TASP1: variants seen among roughly 807,000 people sequenced by gnomAD.
The protein encoded by TASP1 is threonine aspartase 1.
A neutral mutation model predicts 56.6 loss-of-function variants in TASP1; 16 were observed. That is an observed-to-expected ratio of 0.28 (90% confidence interval 0.19 to 0.43). The LOEUF (loss-of-function observed/expected upper bound fraction) is 0.43. Ranked by LOEUF, TASP1 falls within the 20% of genes least tolerant of loss-of-function variation. The probability of loss-of-function intolerance (pLI) is 1.00; values close to 1 mark genes in which losing one functional copy is unlikely to be tolerated. For missense variants in TASP1, 393 were observed against 511.6 expected (o/e 0.77, Z 2.24); for synonymous variants, 179 against 184.2 (o/e 0.97, Z 0.23).
chr20:13,634,853 A>T (rs1225189853), intron 1 of TASP1, among the ~76,000 whole-genome samples: 6 of 151,446 alleles, frequency 4.0e-5, no homozygotes, highest in African/African-American at 1.5e-4. Flanking sequence ...ACAAGGAGAA[A>T]CCCCGTCTCT....
At chr20:13,363,389 C>T in the TASP1 span, among the ~76,000 whole-genome samples, 1 of 152,136 alleles carries the variant, frequency 6.6e-6, no homozygotes, top group Non-Finnish European at 1.5e-5. Context: ...GTGGTGCACC[C>T]TAACTCCACA....
the TASP1 span, chr20:13,154,027 C>A: frequency 2.5e-6 from 4 of 1,613,870 alleles, no homozygotes; most frequent in African/African-American, 2.7e-5. Context: ...CAGCAACTTG[C>A]GAAAAACACA....
At chr20:13,179,268 C>T in the TASP1 span, among the ~76,000 whole-genome samples, 4 of 151,652 alleles carry the variant, frequency 2.6e-5, no homozygotes, top group Non-Finnish European at 5.9e-5. Flanking sequence ...AAGGTAAATA[C>T]CTGTAAAAAT....
chr20:13,464,597 C>T (rs539654204), intron 11 of TASP1, among the ~76,000 whole-genome samples: 15 of 152,234 alleles, frequency 9.9e-5, no homozygotes, highest in African/African-American at 2.9e-4. Flanking sequence ...CTGACACATG[C>T]TACAACTTGG....
the TASP1 span, among the ~76,000 whole-genome samples, chr20:13,220,255 G>A: frequency 4.6e-5 from 7 of 152,216 alleles, no homozygotes; most frequent in Non-Finnish European, 8.8e-5. Flanking sequence ...TAAGGCGGGA[G>A]CCCGAGCAAG....
At chr20:13,321,940 G>A in the TASP1 span, among the ~76,000 whole-genome samples, 3 of 152,210 alleles carry the variant, frequency 2.0e-5, no homozygotes, top group Non-Finnish European at 2.9e-5. Context: ...CCATGCCTTC[G>A]TTTCTTCATT....
the TASP1 span, among the ~76,000 whole-genome samples, chr20:13,134,915 G>A: frequency 6.6e-6 from 1 of 152,148 alleles, no homozygotes; most frequent in Non-Finnish European, 1.5e-5. Context: ...CTAGCACCTT[G>A]CCTGTCCTTC....
At chr20:13,619,120 G>A (rs1012798852) in intron 4 of TASP1, among the ~76,000 whole-genome samples, 8 of 152,092 alleles carry the variant, frequency 5.3e-5, no homozygotes, top group Admixed American at 2.6e-4. Context: ...TGATCCATCC[G>A]CTTCGGCCTC....
chr20:13,199,200 G>A, the TASP1 span, among the ~76,000 whole-genome samples: 1 of 151,798 alleles, frequency 6.6e-6, no homozygotes, highest in Non-Finnish European at 1.5e-5. Flanking sequence ...ACCACATTTG[G>A]CCCTCTTGTT....
chr20:13,394,419 G>A (rs1418316715), intron 13 of TASP1, among the ~76,000 whole-genome samples: 3 of 151,456 alleles, frequency 2.0e-5, no homozygotes, highest in Non-Finnish European at 4.4e-5. Flanking sequence ...GACCATCCTG[G>A]CTAACATGGT....
intron 11 of TASP1, among the ~76,000 whole-genome samples, chr20:13,447,458 C>T (rs552590182): frequency 2.6e-5 from 4 of 152,198 alleles, no homozygotes; most frequent in African/African-American, 9.6e-5. Context: ...CCTAGCTTCC[C>T]AAACTCTTTT....
the TASP1 span, among the ~76,000 whole-genome samples, chr20:13,151,853 A>T: frequency 0.018 from 2,793 of 152,138 alleles, 54 homozygotes; most frequent in South Asian, 0.03. Flanking sequence ...GCCCTTCAGG[A>T]CCTCTACCTA....
chr20:13,590,611 T>C (rs2047487422), intron 4 of TASP1, among the ~76,000 whole-genome samples: 1 of 152,194 alleles, frequency 6.6e-6, no homozygotes, highest in South Asian at 2.1e-4. Flanking sequence ...CTCACACCTG[T>C]AATCCCAGCA....
In TASP1 at chr20:13,428,273, A is replaced by G. The variant is rs184146719; in HGVS notation, c.1096+6771T>C. On this transcript the variant is annotated intron_variant, in intron 12 of 13. Coordinates refer to ENST00000337743, the MANE Select transcript of TASP1 (RefSeq NM_017714.3). ...AAGGTGCAAAACAGGAAATTAACCC[A>G]TATACTAAGCTTGGCTGTTTATGCT... Among the ~76,000 whole-genome samples, 10 of 152,312 alleles carry G rather than the reference A, an allele frequency of 6.6e-5. No individual in the cohort carries two copies. The South Asian group carries it at 1.0e-3, about 16-fold the overall frequency.
chr20:13,384,705 G>A (rs1439211425), downstream of TASP1, among the ~76,000 whole-genome samples: 1 of 152,108 alleles, frequency 6.6e-6, no homozygotes, highest in Non-Finnish European at 1.5e-5. Flanking sequence ...TCCCCCTATA[G>A]CCCACTACAT....
At chr20:13,215,007 G>A in the TASP1 span, among the ~76,000 whole-genome samples, 3 of 152,260 alleles carry the variant, frequency 2.0e-5, no homozygotes, top group African/African-American at 7.2e-5. Context: ...TTGGCTTCTG[G>A]GGTACTGGTA....
the TASP1 span, among the ~76,000 whole-genome samples, chr20:13,284,535 A>C: frequency 6.6e-6 from 1 of 152,206 alleles, no homozygotes; most frequent in Non-Finnish European, 1.5e-5. Flanking sequence ...TGAGCAACTG[A>C]GAACAGGCTT....
At chr20:13,449,561 A>G (rs2043539413) in intron 11 of TASP1, among the ~76,000 whole-genome samples, 1 of 152,108 alleles carries the variant, frequency 6.6e-6, no homozygotes, top group Admixed American at 6.6e-5. Flanking sequence ...AAATAAATCT[A>G]TTTTATTGTG....
chr20:13,107,775 CTTT>C, the TASP1 span, among the ~76,000 whole-genome samples: 2 of 141,996 alleles, frequency 1.4e-5, no homozygotes, highest in East Asian at 2.0e-4. Flanking sequence ...GGAAAATGAC[CTTT>C]TTTTTTTTTT....
Sources: gnomAD v4.1 joint callset for allele counts (sites outside exome capture counted in the v4.1 genomes callset) on GRCh38, gnomAD v4.1.1 for gene constraint, MANE v1.5 for transcripts, NCBI Gene and HGNC (gene_info 2026-07-23, HGNC 2026-07-21) for gene names.